The following NMT2 variants were observed in gnomAD, a reference collection of about 807,000 sequenced individuals.
NMT2 encodes the protein glycylpeptide N-tetradecanoyltransferase 2.
NMT2 carries 35 observed loss-of-function variants against 65.4 expected under a neutral mutation model. That is an observed-to-expected ratio of 0.54 (90% CI 0.41 to 0.71). NMT2 has a LOEUF of 0.71. NMT2 is among the 30% of genes least tolerant of loss of function. The probability of loss-of-function intolerance (pLI) is 0.00; values close to 1 mark genes in which losing one functional copy is unlikely to be tolerated. For missense variants in NMT2, 489 were observed against 611.3 expected (o/e 0.80, Z 2.11); for synonymous variants, 226 against 231.8 (o/e 0.98, Z 0.23).
intron 1 of NMT2, among the ~76,000 whole-genome samples, chr10:15,154,129 C>T (rs927954115): frequency 2.0e-5 from 3 of 152,232 alleles, no homozygotes; most frequent in African/African-American, 7.2e-5. Context: ...TCCTGTCTCC[C>T]CTGCCCCCAG....
intron 1 of NMT2, among the ~76,000 whole-genome samples, chr10:15,163,620 A>G (rs190999337): frequency 3.9e-4 from 60 of 152,362 alleles, no homozygotes; most frequent in African/African-American, 1.3e-3. Context: ...TAAATTTTCC[A>G]TAAGAAAAAC....
chr10:15,130,463 T>C, intron 6 of NMT2, 151 bp from the exon 7 acceptor site: 1 of 605,032 alleles, frequency 1.7e-6, no homozygotes, highest in Non-Finnish European at 2.6e-6. Flanking sequence ...TCTCAGCACT[T>C]TGGGAGGCCA....
intron 2 of NMT2, among the ~76,000 whole-genome samples, chr10:15,139,293 T>TATCTATCC (rs1343525671): frequency 0.038 from 5,112 of 135,968 alleles, 110 homozygotes; most frequent in East Asian, 0.086. Context: ...TCTATCTATC[T>TATCTATCC]ATCCATCCAT....
intron 1 of NMT2, among the ~76,000 whole-genome samples, chr10:15,155,752 T>G (rs1832977834): frequency 6.6e-6 from 1 of 152,040 alleles, no homozygotes; most frequent in South Asian, 2.1e-4. Context: ...CCTTTTCACT[T>G]AAGAAAGCAC....
intron 3 of NMT2, among the ~76,000 whole-genome samples, chr10:15,133,915 A>G (rs1193892660): frequency 6.6e-6 from 1 of 152,126 alleles, no homozygotes. Context: ...GAAAGGAGAA[A>G]TCCTTTGTCA....
intron 6 of NMT2, among the ~76,000 whole-genome samples, chr10:15,132,496 C>T (rs577822979): frequency 8.5e-4 from 129 of 151,996 alleles, no homozygotes; most frequent in Middle Eastern, 3.4e-3. Context: ...GGCGCAATCT[C>T]GGCTCACTGC....
At chr10:15,147,567 C>T (rs1847009651) in intron 1 of NMT2, among the ~76,000 whole-genome samples, 1 of 151,446 alleles carries the variant, frequency 6.6e-6, no homozygotes. Flanking sequence ...ATTTTTAATA[C>T]ATAGCATGAG....
At chr10:15,168,439 G>T in intron 1 of NMT2, 64 bp downstream of exon 1, 2 of 1,249,440 alleles carry the variant, frequency 1.6e-6, no homozygotes, top group Non-Finnish European at 2.3e-6. Context: ...ACCCCCGAAC[G>T]GGAGACCGTG....
Position 15,107,070 on chromosome 10 carries a change from C to T in NMT2, c.*2125G>A, listed in dbSNP as rs1845328742. On this transcript the variant is annotated 3_prime_UTR_variant, in exon 12 of 12. Coordinates refer to ENST00000378165, the MANE Select transcript of NMT2 (RefSeq NM_004808.3). ...CTGCAGTGAGCTGTTGACTGTGCCA[C>T]TGTATTCTAGCCTGGACAATAGAGT... Among the ~76,000 whole-genome samples the T allele has an allele frequency of 6.8e-6, 1 of 147,146 alleles. No individual in the cohort carries two copies. The highest frequency in any genetic ancestry group is 6.9e-5 in the Admixed American group (1 of 14,526).
At chr10:15,125,964 C>A (rs114465910) in intron 8 of NMT2, among the ~76,000 whole-genome samples, 1 of 151,702 alleles carries the variant, frequency 6.6e-6, no homozygotes, top group South Asian at 2.1e-4. Context: ...CGCGCCTGGC[C>A]GAAGATTTTA....
At chr10:15,132,276 GT>G (rs60706094) in intron 6 of NMT2, among the ~76,000 whole-genome samples, 10,921 of 150,628 alleles carry the variant, frequency 0.073, 966 homozygotes, top group African/African-American at 0.21. Flanking sequence ...TTCACAGTCC[GT>G]TTTTTTTTCT....
intron 2 of NMT2, 186 bp downstream of exon 2, chr10:15,141,236 C>T: frequency 1.2e-6 from 1 of 821,072 alleles, no homozygotes. Context: ...GCACAGTGTA[C>T]CCCTTCGTTA....
intron 8 of NMT2, 50 bp from the exon 9 acceptor site, chr10:15,119,563 G>A: frequency 6.5e-7 from 1 of 1,544,824 alleles, no homozygotes; most frequent in Non-Finnish European, 8.9e-7. Context: ...TAGAAGAGGA[G>A]TGAAACGACT....
intron 2 of NMT2, chr10:15,138,306 C>T (rs962307813): frequency 6.6e-5 from 31 of 468,410 alleles, no homozygotes; most frequent in Admixed American, 3.8e-4. Flanking sequence ...CAACCACATA[C>T]GGCTCTATTT....
chr10:15,108,070 T>A lies in NMT2; in HGVS notation c.*1125A>T. ...GCACGAATAAGTTCCACCAGGCATC[T>A]CTTTTGACTTTACAGTTTTTTATTT... On this transcript the variant is annotated 3_prime_UTR_variant, in exon 12 of 12. Coordinates refer to ENST00000378165, the MANE Select transcript of NMT2 (RefSeq NM_004808.3). 1.0e-6 allele frequency: 1 copy of A among 985,758 alleles called. No individual in the cohort carries two copies. Among genetic ancestry groups the A allele is most frequent in the South Asian group, 4.7e-5 (1 of 21,292 alleles). 61.1% of individuals were successfully genotyped at this position (985,758 alleles called of 1,614,324 possible).
At position 15,133,340 on chromosome 10, in the gene NMT2, C is replaced by A. The variant is rs747937811; in HGVS notation, c.415G>T (p.Ala139Ser). 2 of 1,613,250 alleles carry A rather than the reference C, an allele frequency of 1.2e-6. No individual in the cohort carries two copies. Among genetic ancestry groups the A allele is most frequent in the East Asian group, 4.5e-5 (2 of 44,870 alleles). ...KLDEVITSHG[A>S]IEPDKDNVRQ... ...ACGTTGTCTTTATCTGGTTCAATTG[C>A]ACCATGAGATGTTATGACTTCATCT... The change falls in exon 4 of 12, where the codon GCA (alanine) becomes TCA (serine). Residue 139 changes from alanine (A) to serine (S), a missense_variant. By Grantham distance (99) the Ala-to-Ser change is moderately conservative (BLOSUM62 1). Coordinates refer to ENST00000378165, the MANE Select transcript of NMT2 (RefSeq NM_004808.3).
intron 8 of NMT2, among the ~76,000 whole-genome samples, chr10:15,126,961 G>C (rs1485762190): frequency 6.6e-6 from 1 of 152,216 alleles, no homozygotes; most frequent in East Asian, 1.9e-4. Context: ...GGCTGGGCGT[G>C]GTGGCTCACA....
intron 1 of NMT2, among the ~76,000 whole-genome samples, chr10:15,157,251 G>T (rs1035691153): frequency 2.0e-5 from 3 of 152,118 alleles, no homozygotes; most frequent in Non-Finnish European, 4.4e-5. Flanking sequence ...AACTGTAAAG[G>T]TGACATCCAA....
chr10:15,135,484 C>T (rs555507549), intron 2 of NMT2, 66 bp from the exon 3 acceptor site: 1 of 1,538,032 alleles, frequency 6.5e-7, no homozygotes, highest in Non-Finnish European at 8.9e-7. Flanking sequence ...TGAGCAGACG[C>T]ACGTGCATCT....
Sources: gnomAD v4.1 joint callset for allele counts (sites outside exome capture counted in the v4.1 genomes callset) on GRCh38, gnomAD v4.1.1 for gene constraint, MANE v1.5 for transcripts, NCBI Gene and HGNC (gene_info 2026-07-23, HGNC 2026-07-21) for gene names.